Variants in IMMP2L observed in about 807,000 individuals in gnomAD.
The protein encoded by IMMP2L is inner mitochondrial membrane peptidase subunit 2.
In IMMP2L, 18 loss-of-function variants were observed where a neutral mutation model predicts 19.3. The ratio of observed to expected loss-of-function variants is 0.93; its 90% CI spans 0.64 to 1.38. The LOEUF (loss-of-function observed/expected upper bound fraction) is 1.38. IMMP2L is among the 40% of genes most tolerant of loss of function. The pLI is 0.00. For missense variants in IMMP2L, 233 were observed against 218.2 expected (o/e 1.07, Z -0.43); for synonymous variants, 76 against 73.0 (o/e 1.04, Z -0.21).
At chr7:110,767,656 C>G (rs1371547605) in intron 5 of IMMP2L, among the ~76,000 whole-genome samples, 1 of 152,136 alleles carries the variant, frequency 6.6e-6, no homozygotes, top group African/African-American at 2.4e-5. Context: ...CAGTCTCTAC[C>G]TCTATTTCCA....
Position 111,213,939 on chromosome 7 carries a change from A to C in IMMP2L, c.240-250374T>G, listed in dbSNP as rs1332181169. Among the ~76,000 whole-genome samples, 1 of 152,220 alleles carries C rather than the reference A, an allele frequency of 6.6e-6. No individual in the cohort carries two copies. The highest frequency in any genetic ancestry group is 2.4e-5 in the African/African-American group (1 of 41,440). ...AGATAAAAGGTGATTTAAAAAAATA[A>C]GACCCAAGTCACATGAATAGTGAAG... On this transcript the variant is annotated intron_variant, in intron 3 of 5. Coordinates refer to ENST00000405709, the MANE Select transcript of IMMP2L (RefSeq NM_032549.4). This position sits in a 1 kb window ranked among gnomAD's most constrained non-coding sequence, Gnocchi z 4.8.
At position 111,349,747 on chromosome 7, in the gene IMMP2L, G is replaced by A. The variant is rs376610192; in HGVS notation, c.239+137491C>T. 7.6e-4 allele frequency among the ~76,000 whole-genome samples: 115 copies of A among 152,184 alleles called. 3 individuals are homozygous for A. The South Asian group carries it at 0.022, about 29-fold the overall frequency. ...GAAAGGAAAGGAAGGGGAGGCCAAA[G>A]AAAATACATGGCTTCTCTTAGTAGG... On this transcript the variant is annotated intron_variant, in intron 3 of 5. Coordinates refer to ENST00000405709, the MANE Select transcript of IMMP2L (RefSeq NM_032549.4).
chr7:111,535,870 T>G lies in IMMP2L; in HGVS notation c.-2-14421A>C, dbSNP rs1251640957. 2.0e-5 allele frequency among the ~76,000 whole-genome samples: 3 copies of G among 152,150 alleles called. No homozygotes were observed. In the East Asian group the frequency reaches 5.8e-4, roughly 29 times the overall value. On this transcript the variant is annotated intron_variant, in intron 1 of 5. Coordinates refer to ENST00000405709, the MANE Select transcript of IMMP2L (RefSeq NM_032549.4). ...ATATAGAAGTAGCAATGAGTATATG[T>G]AGTACTCAATTCTTAGGGTCTAATA...
At chr7:111,354,508 A>G (rs1828500351) in intron 3 of IMMP2L, among the ~76,000 whole-genome samples, 1 of 151,856 alleles carries the variant, frequency 6.6e-6, no homozygotes, top group Non-Finnish European at 1.5e-5. Context: ...GATAAATATC[A>G]GAAGGATGCC....
chr7:111,282,181 T>A (rs557738661), intron 3 of IMMP2L, among the ~76,000 whole-genome samples: 11 of 152,258 alleles, frequency 7.2e-5, no homozygotes, highest in Admixed American at 7.2e-4. Context: ...AAAAAAATTA[T>A]AGAAAGAAGC....
At chr7:111,256,705 A>T (rs562955102) in intron 3 of IMMP2L, among the ~76,000 whole-genome samples, 1 of 152,076 alleles carries the variant, frequency 6.6e-6, no homozygotes, top group South Asian at 2.1e-4. Flanking sequence ...TAATCATAAG[A>T]TTGAGTACCC....
intron 5 of IMMP2L, among the ~76,000 whole-genome samples, chr7:110,671,068 C>G (rs1446319512): frequency 6.6e-6 from 1 of 152,178 alleles, no homozygotes; most frequent in African/African-American, 2.4e-5. Flanking sequence ...AACCCTGCAA[C>G]CTTGAGCAGA....
At chr7:111,333,033 C>A (rs1456282435) in intron 3 of IMMP2L, among the ~76,000 whole-genome samples, 2 of 151,872 alleles carry the variant, frequency 1.3e-5, no homozygotes, top group Non-Finnish European at 2.9e-5. Context: ...CTACAACAGC[C>A]CAATCCAGTC....
chr7:111,301,595 A>G lies in IMMP2L; in HGVS notation c.239+185643T>C, dbSNP rs370724936. On this transcript the variant is annotated intron_variant, in intron 3 of 5. Transcript: ENST00000405709. ...AAAGTTGTATACTTTCATATTTTGTATTTAAGCCAATGATCCATTTTGAGC... is the reference window on the plus strand; with the variant it reads ...AAAGTTGTATACTTTCATATTTTGTGTTTAAGCCAATGATCCATTTTGAGC... Among the ~76,000 whole-genome samples, 302 of 152,126 alleles carry G rather than the reference A, an allele frequency of 2.0e-3. 3 individuals carry two copies. Among genetic ancestry groups the G allele is most frequent in the African/African-American group, 6.9e-3 (286 of 41,536 alleles).
intron 3 of IMMP2L, among the ~76,000 whole-genome samples, chr7:111,453,827 T>A (rs945819501): frequency 1.6e-4 from 24 of 152,198 alleles, no homozygotes; most frequent in African/African-American, 5.8e-4. Context: ...AATGCATTTA[T>A]AAAATGATTG....
intron 3 of IMMP2L, among the ~76,000 whole-genome samples, chr7:111,222,934 T>TA (rs910753081): frequency 2.6e-5 from 4 of 151,944 alleles, no homozygotes; most frequent in African/African-American, 9.7e-5. Context: ...CAGCCATCAA[T>TA]AGTACAACAG....
rs1013612455 is a variant in IMMP2L at position 110,728,227 on chromosome 7, G to C, written c.409-64506C>G. Among the ~76,000 whole-genome samples the C allele has an allele frequency of 2.6e-5, 4 of 152,178 alleles. No homozygotes were observed. The highest frequency in any genetic ancestry group is 2.0e-4 in the Admixed American group (3 of 15,276). On this transcript the variant is annotated intron_variant, in intron 5 of 5. Coordinates refer to ENST00000405709, the MANE Select transcript of IMMP2L (RefSeq NM_032549.4). This position sits in a 1 kb window ranked among gnomAD's most constrained non-coding sequence, Gnocchi z 4.6. ...AATAATCTTAAAGGCGACTGGGAGT[G>C]GTGGTTCACGCCTGTAATCCCAGCA...
chr7:111,389,231 C>T (rs1208473966), intron 3 of IMMP2L, among the ~76,000 whole-genome samples: 1 of 152,026 alleles, frequency 6.6e-6, no homozygotes, highest in African/African-American at 2.4e-5. Flanking sequence ...TAGCTGTACT[C>T]TTCAGAAATG....
chr7:111,469,045 A>C (rs964467786), intron 3 of IMMP2L, among the ~76,000 whole-genome samples: 1 of 152,082 alleles, frequency 6.6e-6, no homozygotes, highest in Non-Finnish European at 1.5e-5. Flanking sequence ...CAAGAAGTTA[A>C]GAGCAGTGGA....
chr7:111,076,149 A>G (rs1172979603), intron 3 of IMMP2L, among the ~76,000 whole-genome samples: 1 of 152,060 alleles, frequency 6.6e-6, no homozygotes, highest in African/African-American at 2.4e-5. Context: ...ATGATCCTGT[A>G]TGTGTGCTAG....
intron 3 of IMMP2L, among the ~76,000 whole-genome samples, chr7:111,224,023 C>A (rs1286338541): frequency 6.6e-6 from 1 of 152,088 alleles, no homozygotes; most frequent in African/African-American, 2.4e-5. Context: ...CAAGAGGAAA[C>A]TGAATATAGA....
intron 3 of IMMP2L, among the ~76,000 whole-genome samples, chr7:111,222,832 C>A (rs1298577579): frequency 6.6e-6 from 1 of 151,838 alleles, no homozygotes; most frequent in Non-Finnish European, 1.5e-5. Flanking sequence ...TAGTTATATG[C>A]CCTAAAAAAT....
intron 5 of IMMP2L, among the ~76,000 whole-genome samples, chr7:110,882,696 T>C (rs745935808): frequency 7.2e-5 from 11 of 151,932 alleles, no homozygotes; most frequent in Non-Finnish European, 1.2e-4. Flanking sequence ...GTGCTCTTAA[T>C]ATAAAAAGTC....
intron 2 of IMMP2L, among the ~76,000 whole-genome samples, chr7:111,518,317 C>A (rs1486983948): frequency 6.6e-6 from 1 of 152,066 alleles, no homozygotes; most frequent in African/African-American, 2.4e-5. Context: ...TCCAGTGTAA[C>A]CAAAACAGTA....
Sources: gnomAD v4.1 joint callset for allele counts (sites outside exome capture counted in the v4.1 genomes callset) on GRCh38, gnomAD v4.1.1 for gene constraint, Gnocchi (gnomAD v3.1) non-coding constraint, MANE v1.5 for transcripts, NCBI Gene and HGNC (gene_info 2026-07-23, HGNC 2026-07-21) for gene names.